ARHGAP26: variants seen among roughly 807,000 people sequenced by gnomAD.
ARHGAP26 encodes Rho GTPase activating protein 26.
Under a neutral mutation model 104.8 loss-of-function variants are expected in ARHGAP26, and 38 were observed. The observed-to-expected ratio is 0.36, with a 90% confidence interval of 0.28 to 0.48. ARHGAP26 has a LOEUF of 0.48. ARHGAP26 is among the 20% of genes least tolerant of loss of function. ARHGAP26 has a pLI of 0.99. For missense variants in ARHGAP26, 704 were observed against 947.9 expected (o/e 0.74, Z 3.38); for synonymous variants, 341 against 340.0 (o/e 1.00, Z -0.03).
intron 1 of ARHGAP26, among the ~76,000 whole-genome samples, chr5:142,864,711 G>C (rs930393556): frequency 2.0e-5 from 3 of 152,200 alleles, no homozygotes; most frequent in Non-Finnish European, 2.9e-5. Flanking sequence ...AGGCAGGGCC[G>C]GGGGCATCCC....
At chr5:143,104,793 A>C (rs1222598754) in intron 17 of ARHGAP26, among the ~76,000 whole-genome samples, 1 of 152,214 alleles carries the variant, frequency 6.6e-6, no homozygotes, top group African/African-American at 2.4e-5. Context: ...AGTAAAAAAC[A>C]AGTTATAAAA....
At chr5:142,973,494 G>A (rs1385813909) in intron 11 of ARHGAP26, among the ~76,000 whole-genome samples, 7 of 152,072 alleles carry the variant, frequency 4.6e-5, no homozygotes, top group African/African-American at 9.7e-5. Flanking sequence ...TGAAATGTTC[G>A]GGGAGCGAGA....
intron 20 of ARHGAP26, among the ~76,000 whole-genome samples, chr5:143,170,928 TG>T (rs35233031): frequency 6.6e-6 from 1 of 152,054 alleles, no homozygotes; most frequent in East Asian, 1.9e-4. Flanking sequence ...TATCAGATGC[TG>T]GGGGAGTTTG....
In ARHGAP26 at chr5:143,224,498, G is replaced by A. The variant is rs192404490; in HGVS notation, c.*2052G>A. On this transcript the variant is annotated 3_prime_UTR_variant, in exon 23 of 23. Coordinates refer to ENST00000645722, the MANE Select transcript of ARHGAP26 (RefSeq NM_001135608.3). ...AAGATGAAGCTCAGGATTTAAATAA[G>A]TGGGGTCAGGCATTCGAGTTTTTGT... is the stretch of plus-strand genomic sequence containing the variant. The A allele has an allele frequency of 6.5e-5, 15 of 230,478 alleles. No individual in the cohort carries two copies. In the East Asian group the frequency reaches 9.2e-4, roughly 14 times the overall value. 14.3% of individuals were successfully genotyped at this position (230,478 alleles called of 1,614,324 possible).
At chr5:143,128,011 A>G (rs1376476677) in intron 18 of ARHGAP26, among the ~76,000 whole-genome samples, 1 of 152,060 alleles carries the variant, frequency 6.6e-6, no homozygotes, top group Non-Finnish European at 1.5e-5. Flanking sequence ...CTTCCCTTCC[A>G]ATGGTTCTTG....
intron 20 of ARHGAP26, among the ~76,000 whole-genome samples, chr5:143,184,384 C>T (rs1725696495): frequency 1.3e-5 from 2 of 152,148 alleles, no homozygotes; most frequent in African/African-American, 2.4e-5. Context: ...CTGGTGATTC[C>T]CTGAGGGTTA....
intron 20 of ARHGAP26, among the ~76,000 whole-genome samples, chr5:143,205,709 G>A (rs942822289): frequency 2.6e-5 from 4 of 152,112 alleles, no homozygotes; most frequent in African/African-American, 9.7e-5. Flanking sequence ...TTATAGGCTG[G>A]GTATCCTTAG....
At chr5:142,790,331 G>A (rs567172038) in intron 1 of ARHGAP26, among the ~76,000 whole-genome samples, 1 of 152,206 alleles carries the variant, frequency 6.6e-6, no homozygotes, top group African/African-American at 2.4e-5. Context: ...AAATTGTAAG[G>A]CATCCCTTTA....
intron 20 of ARHGAP26, among the ~76,000 whole-genome samples, chr5:143,188,035 C>T (rs1805409462): frequency 6.6e-6 from 1 of 152,242 alleles, no homozygotes; most frequent in Non-Finnish European, 1.5e-5. Context: ...CCTCCCTTCT[C>T]AGAATCCCTA....
intron 17 of ARHGAP26, among the ~76,000 whole-genome samples, chr5:143,111,142 G>C (rs1336503065): frequency 6.6e-6 from 1 of 152,214 alleles, no homozygotes; most frequent in African/African-American, 2.4e-5. Flanking sequence ...ATTTTATACT[G>C]TTGGTGGACA....
chr5:143,090,859 A>C (rs923457294), intron 17 of ARHGAP26, among the ~76,000 whole-genome samples: 1 of 152,150 alleles, frequency 6.6e-6, no homozygotes, highest in African/African-American at 2.4e-5. Flanking sequence ...CTTTATCGAA[A>C]TCTCCCCAGA....
At chr5:143,013,177 C>A (rs1779128126) in intron 11 of ARHGAP26, among the ~76,000 whole-genome samples, 1 of 152,164 alleles carries the variant, frequency 6.6e-6, no homozygotes, top group African/African-American at 2.4e-5. Context: ...TTAAAAAAAA[C>A]TTATTCTTCT....
At chr5:142,856,164 C>T (rs1017424344) in intron 1 of ARHGAP26, among the ~76,000 whole-genome samples, 2 of 152,204 alleles carry the variant, frequency 1.3e-5, no homozygotes, top group African/African-American at 4.8e-5. Flanking sequence ...TGGAGCTGCC[C>T]ATACTGAGCA....
chr5:143,068,411 C>G (rs1787812856), intron 17 of ARHGAP26, among the ~76,000 whole-genome samples: 1 of 152,114 alleles, frequency 6.6e-6, no homozygotes, highest in South Asian at 2.1e-4. Flanking sequence ...GCTACCACCA[C>G]AATATCCACA....
chr5:142,853,329 T>A (rs1391422240), intron 1 of ARHGAP26, among the ~76,000 whole-genome samples: 2 of 152,154 alleles, frequency 1.3e-5, no homozygotes, highest in African/African-American at 4.8e-5. Flanking sequence ...TAGCGGGGAC[T>A]GCAGGCATGT....
intron 20 of ARHGAP26, among the ~76,000 whole-genome samples, chr5:143,162,433 G>A (rs1801379980): frequency 6.6e-6 from 1 of 152,102 alleles, no homozygotes; most frequent in Non-Finnish European, 1.5e-5. Flanking sequence ...AAAATAAACT[G>A]GCAAGAAATC....
intron 12 of ARHGAP26, among the ~76,000 whole-genome samples, chr5:143,030,935 G>A (rs1050543270): frequency 5.3e-5 from 8 of 152,264 alleles, no homozygotes; most frequent in Admixed American, 5.2e-4. Flanking sequence ...GTGTAAACTT[G>A]CAGTGGTGCA....
intron 11 of ARHGAP26, among the ~76,000 whole-genome samples, chr5:143,001,095 G>A (rs1777134609): frequency 6.6e-6 from 1 of 152,076 alleles, no homozygotes; most frequent in Admixed American, 6.5e-5. Context: ...TATGATGTAA[G>A]TCTGTTTGTA....
rs1188364018 is a variant in ARHGAP26 at position 143,226,773 on chromosome 5, G to A, written c.*4327G>A. ...GAATATCAGTTCATTTCCTCTCACC[G>A]AGTGCTTTTCGGTGAGAGGCAAAGA... On this transcript the variant is annotated 3_prime_UTR_variant, in exon 23 of 23. Transcript: ENST00000645722. The A allele has an allele frequency of 2.3e-5, 5 of 219,484 alleles. No individual in the cohort carries two copies. Among genetic ancestry groups the A allele is most frequent in the South Asian group, 1.8e-4 (1 of 5,412 alleles). The allele number at this position is 219,484 out of a possible 1,614,324, so 13.6% of individuals were successfully genotyped here.
Sources: allele counts gnomAD v4.1 joint callset (sites outside exome capture counted in the v4.1 genomes callset), GRCh38; gene constraint gnomAD v4.1.1; transcripts MANE v1.5; gene names NCBI Gene and HGNC (gene_info 2026-07-23, HGNC 2026-07-21).